The following PDZRN4 variants were observed in gnomAD, a reference collection of about 807,000 sequenced individuals.
PDZRN4 encodes the protein PDZ domain containing ring finger 4, also known as PDZ domain-containing RING finger protein 4.
A neutral mutation model predicts 99.0 loss-of-function variants in PDZRN4; 70 were observed. The observed-to-expected ratio is 0.71, with a 90% CI of 0.58 to 0.86. PDZRN4 has a LOEUF of 0.86. Among genes scored for constraint, PDZRN4 ranks in the 40% least tolerant of loss-of-function variants. The probability of loss-of-function intolerance (pLI) is 0.00; values close to 1 mark genes in which losing one functional copy is unlikely to be tolerated. For missense variants in PDZRN4, 1,474 were observed against 1,331.2 expected, an observed-to-expected ratio of 1.11 and a Z score of -1.67; for synonymous variants, 551 against 501.6, an observed-to-expected ratio of 1.10 and a Z score of -1.32.
intron 7 of PDZRN4, among the ~76,000 whole-genome samples, chr12:41,557,350 T>C (rs943607948): frequency 2.6e-5 from 4 of 152,092 alleles, no homozygotes; most frequent in African/African-American, 9.7e-5. Flanking sequence ...ACTGCCACTG[T>C]TTCAGAGCTA....
At chr12:41,411,154 G>C (rs1952396699) in intron 3 of PDZRN4, among the ~76,000 whole-genome samples, 1 of 151,650 alleles carries the variant, frequency 6.6e-6, no homozygotes, top group South Asian at 2.1e-4. Context: ...TCCTGCCTCA[G>C]CCTCCCAAAG....
chr12:41,341,845 A>G (rs1251391602), intron 3 of PDZRN4, among the ~76,000 whole-genome samples: 1 of 151,910 alleles, frequency 6.6e-6, no homozygotes, highest in East Asian at 1.9e-4. Flanking sequence ...AATAAAGACA[A>G]AAATTCTAAA....
At chr12:41,484,037 G>A (rs531566239) in intron 3 of PDZRN4, among the ~76,000 whole-genome samples, 2 of 152,056 alleles carry the variant, frequency 1.3e-5, no homozygotes, top group South Asian at 2.1e-4. Context: ...AATATCTCGA[G>A]TTTGTGTGTA....
At chr12:41,242,606 G>C (rs575549475) in intron 3 of PDZRN4, among the ~76,000 whole-genome samples, 12 of 151,536 alleles carry the variant, frequency 7.9e-5, no homozygotes, top group Admixed American at 3.9e-4. Flanking sequence ...AGATTAGGAA[G>C]CATTTTATTC....
At chr12:41,254,266 A>G (rs1591986358) in intron 3 of PDZRN4, among the ~76,000 whole-genome samples, 1 of 152,174 alleles carries the variant, frequency 6.6e-6, no homozygotes, top group East Asian at 1.9e-4. Context: ...TAGTGAAGAT[A>G]TTACACTAAA....
intron 3 of PDZRN4, among the ~76,000 whole-genome samples, chr12:41,198,337 C>G (rs558963765): frequency 6.6e-6 from 1 of 152,140 alleles, no homozygotes; most frequent in East Asian, 1.9e-4. Flanking sequence ...ACTCCCCTAA[C>G]CCCTGCAGCT....
chr12:41,286,664 C>T (rs1008587561), intron 3 of PDZRN4, among the ~76,000 whole-genome samples: 36 of 152,204 alleles, frequency 2.4e-4, no homozygotes, highest in African/African-American at 8.7e-4. Flanking sequence ...TGTGTCAACA[C>T]CAGGAAGAGT....
chr12:41,228,993 A>C (rs374889454), intron 3 of PDZRN4, among the ~76,000 whole-genome samples: 1 of 151,924 alleles, frequency 6.6e-6, no homozygotes, highest in East Asian at 2.0e-4. Flanking sequence ...AAGATATGAC[A>C]TCCTTTTTTC....
At chr12:41,234,639 T>G (rs143515638) in intron 3 of PDZRN4, among the ~76,000 whole-genome samples, 88 of 152,232 alleles carry the variant, frequency 5.8e-4, no homozygotes, top group African/African-American at 2.0e-3. Flanking sequence ...AATGTACATA[T>G]TAGTCATGTA....
intron 3 of PDZRN4, among the ~76,000 whole-genome samples, chr12:41,249,541 C>T (rs962519225): frequency 1.1e-4 from 17 of 152,134 alleles, no homozygotes; most frequent in Non-Finnish European, 1.8e-4. Flanking sequence ...GAATGAATGG[C>T]TTTGAGGCTG....
intron 7 of PDZRN4, among the ~76,000 whole-genome samples, chr12:41,559,673 C>G (rs1181996396): frequency 6.6e-6 from 1 of 152,126 alleles, no homozygotes; most frequent in Admixed American, 6.6e-5. Context: ...AATGAGCTCT[C>G]TCTTCATTTC....
chr12:41,505,489 G>T (rs1938189712), intron 3 of PDZRN4, among the ~76,000 whole-genome samples: 1 of 152,144 alleles, frequency 6.6e-6, no homozygotes, highest in African/African-American at 2.4e-5. Flanking sequence ...TTTGAGAGTG[G>T]TCTGTTTTGC....
At chr12:41,421,442 C>T (rs1463357237) in intron 3 of PDZRN4, among the ~76,000 whole-genome samples, 2 of 152,290 alleles carry the variant, frequency 1.3e-5, no homozygotes, top group South Asian at 2.1e-4. Flanking sequence ...ATCCACCTAC[C>T]TTGGCCTCCC....
chr12:41,283,240 T>C (rs570532438), intron 3 of PDZRN4, among the ~76,000 whole-genome samples: 1 of 152,036 alleles, frequency 6.6e-6, no homozygotes, highest in Non-Finnish European at 1.5e-5. Flanking sequence ...AACACTTCTG[T>C]GCAAATAAAC....
At chr12:41,335,737 G>C (rs1176746723) in intron 3 of PDZRN4, among the ~76,000 whole-genome samples, 1 of 152,056 alleles carries the variant, frequency 6.6e-6, no homozygotes, top group Non-Finnish European at 1.5e-5. Context: ...AACACATAGA[G>C]TTAATATGTC....
chr12:41,555,157 A>T (rs1373092791), intron 6 of PDZRN4, among the ~76,000 whole-genome samples: 1 of 143,170 alleles, frequency 7.0e-6, no homozygotes. Context: ...CATGAACCCG[A>T]GAGGCGGAGC....
chr12:41,490,212 T>C (rs1219798313), intron 3 of PDZRN4, among the ~76,000 whole-genome samples: 2 of 152,182 alleles, frequency 1.3e-5, no homozygotes, highest in Non-Finnish European at 2.9e-5. Flanking sequence ...CCCCTCATCT[T>C]TGATGACTTC....
chr12:41,382,345 C>G (rs1208495930), intron 3 of PDZRN4, among the ~76,000 whole-genome samples: 1 of 152,134 alleles, frequency 6.6e-6, no homozygotes, highest in Non-Finnish European at 1.5e-5. Context: ...GGTATGGTCA[C>G]TGACTAGTTT....
At chr12:41,191,657 A>G (rs1483897015) in intron 2 of PDZRN4, 113 bp downstream of exon 2, 2 of 541,394 alleles carry the variant, frequency 3.7e-6, no homozygotes, top group African/African-American at 2.0e-5. Flanking sequence ...GATTTTGAGT[A>G]AGAAAAACAA....
Sources: allele counts gnomAD v4.1 joint callset (sites outside exome capture counted in the v4.1 genomes callset), GRCh38; gene constraint gnomAD v4.1.1; transcripts MANE v1.5; gene names NCBI Gene and HGNC (gene_info 2026-07-23, HGNC 2026-07-21).